KDM5B: variants seen among roughly 807,000 people sequenced by gnomAD.
KDM5B encodes the protein lysine demethylase 5B.
Under a neutral mutation model 193.4 loss-of-function variants are expected in KDM5B, and 144 were observed. The ratio of observed to expected loss-of-function variants is 0.74; its 90% CI spans 0.65 to 0.86. The LOEUF is 0.86. KDM5B is among the 40% of genes least tolerant of loss of function. The pLI is 0.00. For synonymous variants in KDM5B, 668 were observed against 682.6 expected, an observed-to-expected ratio of 0.98 and a Z score of 0.33; for missense variants, 1,833 against 1,886.9, an observed-to-expected ratio of 0.97 and a Z score of 0.53.
At position 202,755,388 on chromosome 1, in the gene KDM5B, T is replaced by C. The variant is rs1440825533; in HGVS notation, c.1421A>G (p.His474Arg). Residue 474 changes from histidine to arginine, a missense_variant, in exon 11 of 27, where the codon CAT (histidine) becomes CGT (arginine). His to Arg is a conservative substitution (Grantham distance 29). Around this residue, in one of 3 missense-constraint regions of KDM5B, gnomAD observed 1,379 missense variants for 1,349.6 expected, o/e 1.02. Coordinates refer to ENST00000367265, the MANE Select transcript of KDM5B (RefSeq NM_006618.5). ...MPVMEQSVLA[H>R]ITADICGMKL... ...CATGCCACATATATCAGCAGTAATA[T>C]GTGCAAGGACAGACTGCTCCATCAC... The C allele has an allele frequency of 3.1e-6, 5 of 1,613,842 alleles. No homozygotes were observed. Among genetic ancestry groups the C allele is most frequent in the South Asian group, 1.1e-5 (1 of 91,078 alleles).
Position 202,741,627 on chromosome 1 carries a change from A to G in KDM5B, c.2685T>C (p.Asp895=). 6.2e-7 allele frequency: 1 copy of G among 1,614,214 alleles called. No homozygotes were observed. Among genetic ancestry groups the G allele is most frequent in the South Asian group, 1.1e-5 (1 of 91,084 alleles). ...GTTCAACATCAAATTCAAAGCTGAC[A>G]TCTAGCAAGTCCTGCAGCTCCGCAG... ...PSAAELQDLL[D]VSFEFDVELP... The change falls in exon 19 of 27, where the codon GAT becomes GAC. Residue 895 remains aspartate (D), a synonymous_variant. Transcript: ENST00000367265.
At chr1:202,792,132 AACT>A (rs1162232751) in intron 1 of KDM5B, among the ~76,000 whole-genome samples, 3 of 152,184 alleles carry the variant, frequency 2.0e-5, no homozygotes. Context: ...TCTGTAGTAG[AACT>A]GAGAAATTTC....
chr1:202,775,875 A>AT (rs1656928296), intron 2 of KDM5B, among the ~76,000 whole-genome samples: 4 of 127,098 alleles, frequency 3.1e-5, no homozygotes, highest in African/African-American at 1.2e-4. Context: ...AAAAAAAAAA[A>AT]AAAAATATAT....
At position 202,773,242 on chromosome 1, in the gene KDM5B, T is replaced by C. The variant is rs773633883; in HGVS notation, c.452A>G (p.Lys151Arg). The C allele has an allele frequency of 4.8e-5, 77 of 1,614,044 alleles. No individual in the cohort carries two copies. Among genetic ancestry groups the C allele is most frequent in the Non-Finnish European group, 6.2e-5 (73 of 1,180,038 alleles). Residue 151 changes from lysine (K) to arginine (R), a missense_variant, in exon 4 of 27, where the codon AAA becomes AGA. Physicochemically the swap from Lys to Arg is conservative, Grantham distance 26. Transcript: ENST00000367265. ...GGFAVVCKDR[K>R]WTKIATKMGF... Reference sequence around the variant, plus strand: ...CATCTTGGTAGCAATTTTGGTCCATTTTCTATCCTTGCAAACAACTGCAAA... The same window carrying C: ...CATCTTGGTAGCAATTTTGGTCCATCTTCTATCCTTGCAAACAACTGCAAA...
At chr1:202,732,552 T>C (rs1654926375) in intron 23 of KDM5B, among the ~76,000 whole-genome samples, 1 of 152,072 alleles carries the variant, frequency 6.6e-6, no homozygotes, top group African/African-American at 2.4e-5. Context: ...TCATCATCTA[T>C]GTGTCAGGCA....
chr1:202,747,569 T>TAA (rs71564198), intron 14 of KDM5B, among the ~76,000 whole-genome samples: 48 of 129,142 alleles, frequency 3.7e-4, no homozygotes, highest in East Asian at 1.4e-3. Context: ...CACATATTTT[T>TAA]AAAAAAAAAA....
chr1:202,769,668 CAAAAAAAAAAAAA>C (rs71142553), intron 4 of KDM5B, among the ~76,000 whole-genome samples: 2 of 55,946 alleles, frequency 3.6e-5, no homozygotes, highest in African/African-American at 1.8e-4. Context: ...GACTCTGTCT[CAAAAAAAAAAAAA>C]AAAAAAAAAA....
intron 13 of KDM5B, 102 bp downstream of exon 13, chr1:202,750,557 G>A: frequency 7.8e-7 from 1 of 1,276,998 alleles, no homozygotes; most frequent in South Asian, 1.5e-5. Flanking sequence ...TTATAGGCAT[G>A]AGCTACCGCA....
chr1:202,769,668 CAAAAAAA>C (rs71142553), intron 4 of KDM5B, among the ~76,000 whole-genome samples: 19 of 55,922 alleles, frequency 3.4e-4, no homozygotes, highest in African/African-American at 9.6e-4. Context: ...GACTCTGTCT[CAAAAAAA>C]AAAAAAAAAA....
intron 1 of KDM5B, among the ~76,000 whole-genome samples, chr1:202,807,497 G>A (rs942087632): frequency 3.3e-5 from 5 of 151,934 alleles, no homozygotes. Context: ...GAGGCCCGGG[G>A]ACCAGGCGGT....
At chr1:202,784,568 T>A (rs1380418962) in intron 1 of KDM5B, among the ~76,000 whole-genome samples, 1 of 152,226 alleles carries the variant, frequency 6.6e-6, no homozygotes, top group African/African-American at 2.4e-5. Flanking sequence ...GTCAGTAATA[T>A]GCCCTTAAAA....
At position 202,742,791 on chromosome 1, in the gene KDM5B, T is replaced by C. The variant is rs1244407080; in HGVS notation, c.2338A>G (p.Lys780Glu). ...ATTTCAGATTCTTCAATTAAAGCCT[T>C]GAAGCTGACAAGGCCTAGGAATGAA... ...INKKKSLVSF[K>E]ALIEESEMKK... Residue 780 changes from lysine to glutamate, a missense_variant, in exon 17 of 27, where the codon AAG (lysine) becomes GAG (glutamate). Coordinates refer to ENST00000367265, the MANE Select transcript of KDM5B (RefSeq NM_006618.5). 5.6e-6 allele frequency: 9 copies of C among 1,614,072 alleles called. No individual in the cohort carries two copies. The South Asian group carries it at 9.9e-5, about 18-fold the overall frequency.
intron 13 of KDM5B, among the ~76,000 whole-genome samples, chr1:202,749,426 G>A (rs1655704092): frequency 6.6e-6 from 1 of 152,104 alleles, no homozygotes; most frequent in Non-Finnish European, 1.5e-5. Flanking sequence ...GTGTGGCGGT[G>A]CACGCCTGTA....
chr1:202,750,691 C>G lies in KDM5B; in HGVS notation c.1789G>C (p.Ala597Pro). ...ACAGTGCAGAAGTTAACAGCCTCAG[C>G]AAAATTAAAACCCTGGTTAAAACCA... The part of the protein sequence containing the change: ...HSGFNQGFNF[A>P]EAVNFCTVDW... Residue 597 changes from alanine (A) to proline (P), a missense_variant, in exon 13 of 27, where the codon GCT becomes CCT. Ala to Pro is a conservative substitution (Grantham distance 27). Around this residue, in one of 3 missense-constraint regions of KDM5B, gnomAD observed 1,379 missense variants for 1,349.6 expected, o/e 1.02. Transcript: ENST00000367265. 6.2e-7 allele frequency: 1 copy of G among 1,613,940 alleles called. No individual in the cohort carries two copies. Among genetic ancestry groups the G allele is most frequent in the Non-Finnish European group, 8.5e-7 (1 of 1,179,882 alleles).
chr1:202,740,614 C>A, intron 20 of KDM5B, 60 bp downstream of exon 20: 1 of 1,493,962 alleles, frequency 6.7e-7, no homozygotes, highest in Non-Finnish European at 9.1e-7. Flanking sequence ...CCGGACGGGG[C>A]GCCAATATTG....
chr1:202,750,765 T>C lies in KDM5B; in HGVS notation c.1715A>G (p.Asn572Ser), dbSNP rs1655757623. Residue 572 changes from asparagine to serine, a missense_variant, in exon 13 of 27, where the codon AAT (asparagine) becomes AGT (serine). Asn to Ser is a conservative substitution (Grantham distance 46). Around this residue, in one of 3 missense-constraint regions of KDM5B, gnomAD observed 1,379 missense variants for 1,349.6 expected, o/e 1.02. Transcript: ENST00000367265. ...MTHEVPVYRT[N>S]QCAGEFVITF... is the part of the protein sequence containing the mutation. ...AATCACAAACTCCCCAGCACACTGA[T>C]TAGTTCGGTAAACCTAAAGAGACAG... The C allele has an allele frequency of 6.2e-7, 1 of 1,613,572 alleles. No homozygotes were observed. The highest frequency in any genetic ancestry group is 1.7e-5 in the Admixed American group (1 of 59,972).
chr1:202,793,219 G>A (rs1245998253), intron 1 of KDM5B, among the ~76,000 whole-genome samples: 4 of 152,086 alleles, frequency 2.6e-5, no homozygotes, highest in Non-Finnish European at 5.9e-5. Flanking sequence ...CTATAAAATG[G>A]ATCTGCCTTA....
intron 1 of KDM5B, among the ~76,000 whole-genome samples, chr1:202,781,941 A>G (rs1187199319): frequency 6.6e-6 from 1 of 151,940 alleles, no homozygotes; most frequent in Non-Finnish European, 1.5e-5. Flanking sequence ...AAGATATTTG[A>G]TGTTCTCAAA....
At chr1:202,794,346 T>G (rs1259256493) in intron 1 of KDM5B, among the ~76,000 whole-genome samples, 1 of 152,248 alleles carries the variant, frequency 6.6e-6, no homozygotes, top group Non-Finnish European at 1.5e-5. Flanking sequence ...TAGAGTAGTA[T>G]TAAAATGTTT....
Sources: allele counts gnomAD v4.1 joint callset (sites outside exome capture counted in the v4.1 genomes callset), GRCh38; gene constraint gnomAD v4.1.1; regional missense constraint gnomAD v4.1.1; transcripts MANE v1.5; gene names NCBI Gene and HGNC (gene_info 2026-07-23, HGNC 2026-07-21).